FOXP1: variants seen among roughly 807,000 people sequenced by gnomAD.
FOXP1 encodes the protein forkhead box protein P1.
A neutral mutation model predicts 98.2 loss-of-function variants in FOXP1; 15 were observed. The ratio of observed to expected loss-of-function variants is 0.15; its 90% confidence interval spans 0.10 to 0.24. The LOEUF is 0.24. Among genes scored for constraint, FOXP1 ranks in the 10% least tolerant of loss-of-function variants. The pLI is 1.00. For missense variants in FOXP1, 633 were observed against 848.5 expected (o/e 0.75, Z 3.15); for synonymous variants, 371 against 314.5 (o/e 1.18, Z -1.90).
chr3:71,326,601 C>T (rs983714835), intron 4 of FOXP1, among the ~76,000 whole-genome samples: 3 of 152,152 alleles, frequency 2.0e-5, no homozygotes, highest in African/African-American at 7.2e-5. Context: ...GAGCTAGGTA[C>T]TTTGGCACAG....
At chr3:71,535,982 T>C (rs2044259590) in intron 2 of FOXP1, among the ~76,000 whole-genome samples, 1 of 152,108 alleles carries the variant, frequency 6.6e-6, no homozygotes, top group Non-Finnish European at 1.5e-5. Flanking sequence ...CTGAAAGCCT[T>C]AGAGATCAAG....
intron 6 of FOXP1, among the ~76,000 whole-genome samples, chr3:71,141,653 G>A (rs1408862057): frequency 6.6e-6 from 1 of 152,198 alleles, no homozygotes; most frequent in Admixed American, 6.5e-5. Context: ...ACTGGGCCTA[G>A]GAGGGAGAAC....
rs554594552 is a variant in FOXP1, at chr3:71,248,733, G to A, written c.-11-50341C>T. Among the ~76,000 whole-genome samples, 131 of 96,964 alleles carry A rather than the reference G, an allele frequency of 1.4e-3. 9 individuals carry two copies. In the East Asian group the frequency reaches 0.037, roughly 28 times the overall value. 63.6% of individuals were successfully genotyped at this position (96,964 alleles called of 152,430 possible). A position where few individuals can be genotyped will look rare whatever the true frequency, so the allele number is the denominator to read the frequency against. ...CCCAGCTTGGGCAACAGAGCAAGAC[G>A]TCATCTCAAAAAAAAAAAAAAAAAA... On this transcript the variant is annotated intron_variant, in intron 5 of 20. Transcript: ENST00000649528.
chr3:71,455,999 G>T lies in FOXP1; in HGVS notation c.-168+37427C>A, dbSNP rs553825625. On this transcript the variant is annotated intron_variant, in intron 3 of 20. Transcript: ENST00000649528. ...CTACATTAATAACACAATGAAGCAA[G>T]CCTTCAGGTAAAGTAACTTGGATGG... Among the ~76,000 whole-genome samples the T allele has an allele frequency of 1.2e-4, 18 of 152,252 alleles. No individual in the cohort carries two copies. In the South Asian group the frequency reaches 3.7e-3, roughly 32 times the overall value.
chr3:71,389,861 T>TAAA (rs536621333), intron 3 of FOXP1, among the ~76,000 whole-genome samples: 2 of 137,646 alleles, frequency 1.5e-5, no homozygotes, highest in African/African-American at 2.7e-5. Flanking sequence ...ATTCTGTCTT[T>TAAA]AAAAAAAAAA....
intron 2 of FOXP1, among the ~76,000 whole-genome samples, chr3:71,542,940 G>T (rs1398674789): frequency 6.6e-6 from 1 of 152,226 alleles, no homozygotes; most frequent in Non-Finnish European, 1.5e-5. Flanking sequence ...TTCGCTCTCC[G>T]AGCCTCGGTA....
At chr3:71,165,098 G>A (rs971705958) in intron 6 of FOXP1, among the ~76,000 whole-genome samples, 10 of 151,880 alleles carry the variant, frequency 6.6e-5, no homozygotes, top group African/African-American at 2.4e-4. Flanking sequence ...CAAAAATAAT[G>A]GAAACAAGGA....
intron 13 of FOXP1, among the ~76,000 whole-genome samples, chr3:70,992,403 G>A (rs560478031): frequency 6.6e-6 from 1 of 152,114 alleles, no homozygotes; most frequent in Non-Finnish European, 1.5e-5. Context: ...GGTCTCTGAC[G>A]TACATATGAT....
At chr3:71,583,468 T>G (rs2048357113) in intron 1 of FOXP1, 103 bp downstream of exon 1, 1 of 969,952 alleles carries the variant, frequency 1.0e-6, no homozygotes, top group African/African-American at 1.8e-5. Context: ...TTTCTTTCTT[T>G]TTTTTTTTTT....
At chr3:71,104,481 G>A (rs2057261349) in intron 7 of FOXP1, among the ~76,000 whole-genome samples, 1 of 152,094 alleles carries the variant, frequency 6.6e-6, no homozygotes, top group African/African-American at 2.4e-5. Context: ...TTTGAGTAAT[G>A]AGATTACATT....
At chr3:71,411,351 G>A (rs748885757) in intron 3 of FOXP1, among the ~76,000 whole-genome samples, 21 of 150,668 alleles carry the variant, frequency 1.4e-4, no homozygotes, top group Non-Finnish European at 3.0e-4. Context: ...GTCTTGCTCT[G>A]TCACCCAGGC....
chr3:71,400,117 G>C (rs924220475), intron 3 of FOXP1, among the ~76,000 whole-genome samples: 1 of 151,946 alleles, frequency 6.6e-6, no homozygotes, highest in Non-Finnish European at 1.5e-5. Context: ...ATGTTTTCCT[G>C]GGAGGGTTTG....
At chr3:70,985,599 C>T (rs1380882776) in intron 14 of FOXP1, among the ~76,000 whole-genome samples, 1 of 152,042 alleles carries the variant, frequency 6.6e-6, no homozygotes, top group African/African-American at 2.4e-5. Context: ...TTGTCAGGCA[C>T]CAATTTTTAC....
chr3:71,394,918 T>A (rs2081273863), intron 3 of FOXP1, among the ~76,000 whole-genome samples: 1 of 152,004 alleles, frequency 6.6e-6, no homozygotes, highest in Admixed American at 6.6e-5. Flanking sequence ...CTGACCAACA[T>A]GGAGAAACCT....
chr3:71,232,697 G>C (rs557725715), intron 5 of FOXP1, among the ~76,000 whole-genome samples: 2 of 151,592 alleles, frequency 1.3e-5, no homozygotes, highest in East Asian at 3.9e-4. Context: ...TCAGGAGTTC[G>C]AGACCAGTCT....
intron 13 of FOXP1, among the ~76,000 whole-genome samples, chr3:70,989,832 T>A (rs910641610): frequency 1.3e-5 from 2 of 152,190 alleles, no homozygotes; most frequent in African/African-American, 4.8e-5. Flanking sequence ...ATGTAGCAAT[T>A]ATACCTTGTA....
At chr3:71,174,915 G>GT (rs547976769) in intron 6 of FOXP1, among the ~76,000 whole-genome samples, 1,936 of 137,002 alleles carry the variant, frequency 0.014, 19 homozygotes, top group Middle Eastern at 0.08. Flanking sequence ...GTACATAAAT[G>GT]TTTTTTTTTT....
intron 6 of FOXP1, among the ~76,000 whole-genome samples, chr3:71,163,281 G>T (rs1283463086): frequency 6.6e-6 from 1 of 152,188 alleles, no homozygotes; most frequent in Non-Finnish European, 1.5e-5. Flanking sequence ...CTTCAAAGGA[G>T]TGGACAAATA....
intron 3 of FOXP1, among the ~76,000 whole-genome samples, chr3:71,386,418 T>A (rs1233406873): frequency 6.6e-6 from 1 of 152,096 alleles, no homozygotes; most frequent in African/African-American, 2.4e-5. Flanking sequence ...TTTCCAAGAC[T>A]CAGTCTTCTC....
Sources: allele counts gnomAD v4.1 joint callset (sites outside exome capture counted in the v4.1 genomes callset), GRCh38; gene constraint gnomAD v4.1.1; transcripts MANE v1.5; gene names NCBI Gene and HGNC (gene_info 2026-07-23, HGNC 2026-07-21).